Variants in PCDH17 observed in about 807,000 individuals in gnomAD.
PCDH17 encodes protocadherin 17, also known as protocadherin-17.
Under a neutral mutation model 67.7 loss-of-function variants are expected in PCDH17, and 21 were observed. That is an observed-to-expected ratio of 0.31 (90% confidence interval 0.22 to 0.45). The LOEUF (loss-of-function observed/expected upper bound fraction) is 0.45. Among genes scored for constraint, PCDH17 ranks in the 20% least tolerant of loss-of-function variants. The pLI is 1.00. For synonymous variants in PCDH17, 701 were observed against 656.7 expected (o/e 1.07, Z -1.03); for missense variants, 1,471 against 1,564.8 (o/e 0.94, Z 1.01).
At chr13:57,682,553 C>T (rs1488160695) in intron 3 of PCDH17, among the ~76,000 whole-genome samples, 1 of 151,794 alleles carries the variant, frequency 6.6e-6, no homozygotes, top group Non-Finnish European at 1.5e-5. Context: ...CTACAACCAG[C>T]CATTGAGGCA....
chr13:57,716,955 A>C (rs145188222), intron 3 of PCDH17, among the ~76,000 whole-genome samples: 32 of 152,142 alleles, frequency 2.1e-4, no homozygotes, highest in African/African-American at 7.5e-4. Flanking sequence ...CACACATCTA[A>C]TGTGCCCACA....
At chr13:57,704,107 T>A (rs187717933) in intron 3 of PCDH17, among the ~76,000 whole-genome samples, 4 of 152,122 alleles carry the variant, frequency 2.6e-5, no homozygotes, top group Non-Finnish European at 5.9e-5. Flanking sequence ...ATACCTGTTC[T>A]CTGATTTCAA....
At chr13:57,694,537 AT>A (rs1955588959) in intron 3 of PCDH17, among the ~76,000 whole-genome samples, 2 of 151,226 alleles carry the variant, frequency 1.3e-5, no homozygotes, top group African/African-American at 2.4e-5. Flanking sequence ...ATAAAAGGAA[AT>A]TTGAACCTTC....
chr13:57,632,742 G>A lies in PCDH17; in HGVS notation c.196G>A (p.Val66Met). Residue 66 changes from valine to methionine, a missense_variant, in exon 1 of 4, where the codon GTG (valine) becomes ATG (methionine). Physicochemically the swap from Val to Met is conservative, Grantham distance 21. Transcript: ENST00000377918. ...GGRSKSGSYR[V>M]LENSAPHLLD... is the part of the protein sequence containing the mutation. ...GCGCAGCAAGTCGGGTAGCTACCGG[G>A]TGCTGGAGAACTCCGCACCGCACCT... The A allele has an allele frequency of 2.5e-6, 4 of 1,612,358 alleles. No homozygotes were observed. Among genetic ancestry groups the A allele is most frequent in the East Asian group, 2.2e-5 (1 of 44,848 alleles).
intron 3 of PCDH17, among the ~76,000 whole-genome samples, chr13:57,716,571 C>G (rs1955818287): frequency 6.6e-6 from 1 of 151,882 alleles, no homozygotes; most frequent in Non-Finnish European, 1.5e-5. Context: ...TTGCATAAAG[C>G]CTTTCACAAT....
chr13:57,632,590 C>A lies in PCDH17; in HGVS notation c.44C>A (p.Ala15Asp). ...ICCCFLLWAP[A>D]LTLKNLNYSV... ...TGCTGCTTTCTTCTATGGGCCCCTGCCCTCACTCTCAAGAACCTCAACTAC... is the reference window on the plus strand; with the variant it reads ...TGCTGCTTTCTTCTATGGGCCCCTGACCTCACTCTCAAGAACCTCAACTAC... Residue 15 changes from alanine (A) to aspartate (D), a missense_variant, in exon 1 of 4, where the codon GCC becomes GAC. Around this residue, in one of 3 missense-constraint regions of PCDH17, gnomAD observed 1,163 missense variants for 1,230.0 expected, o/e 0.95. Coordinates refer to ENST00000377918, the MANE Select transcript of PCDH17 (RefSeq NM_001040429.3). The A allele has an allele frequency of 6.2e-7, 1 of 1,613,888 alleles. No homozygotes were observed.
chr13:57,675,063 G>A (rs1026483794), intron 3 of PCDH17, among the ~76,000 whole-genome samples: 1 of 151,806 alleles, frequency 6.6e-6, no homozygotes, highest in Admixed American at 6.6e-5. Context: ...CTCCAAATAG[G>A]CACATCATAT....
intron 3 of PCDH17, among the ~76,000 whole-genome samples, chr13:57,669,896 G>C (rs923101605): frequency 1.3e-5 from 2 of 151,906 alleles, no homozygotes; most frequent in Non-Finnish European, 2.9e-5. Flanking sequence ...GCAAACCAAG[G>C]GGGAGAAGAT....
chr13:57,701,658 A>G (rs1237777520), intron 3 of PCDH17, among the ~76,000 whole-genome samples: 1 of 152,020 alleles, frequency 6.6e-6, no homozygotes, highest in Non-Finnish European at 1.5e-5. Context: ...TTTCGGTTTT[A>G]TGTATCCTGA....
intron 3 of PCDH17, among the ~76,000 whole-genome samples, chr13:57,706,188 G>A (rs1313563355): frequency 1.3e-5 from 2 of 151,980 alleles, no homozygotes; most frequent in African/African-American, 2.4e-5. Flanking sequence ...AAAGTATTTC[G>A]TATGATTTGG....
At chr13:57,661,899 ACT>A (rs1301644304) in intron 1 of PCDH17, among the ~76,000 whole-genome samples, 2 of 151,968 alleles carry the variant, frequency 1.3e-5, no homozygotes, top group Non-Finnish European at 2.9e-5. Flanking sequence ...ACAGAGTCTC[ACT>A]CTGTTGCTCA....
At chr13:57,653,099 T>C (rs1385500505) in intron 1 of PCDH17, among the ~76,000 whole-genome samples, 1 of 152,168 alleles carries the variant, frequency 6.6e-6, no homozygotes, top group Non-Finnish European at 1.5e-5. Flanking sequence ...TTGGATACTA[T>C]AGAGCAGCCC....
chr13:57,632,439 T>C lies in PCDH17; in HGVS notation c.-108T>C. ...AGAGGGAAAAAAGGACCCATAGACTTGTGGCTCGCGTCGCGCGCGCACGCT... is the reference window on the plus strand; with the variant it reads ...AGAGGGAAAAAAGGACCCATAGACTCGTGGCTCGCGTCGCGCGCGCACGCT... On this transcript the variant is annotated 5_prime_UTR_variant, in exon 1 of 4. Coordinates refer to ENST00000377918, the MANE Select transcript of PCDH17 (RefSeq NM_001040429.3). 1 of 1,130,654 alleles carries C rather than the reference T, an allele frequency of 8.8e-7. No homozygotes were observed. Among genetic ancestry groups the C allele is most frequent in the African/African-American group, 1.6e-5 (1 of 63,848 alleles). 70.0% of individuals were successfully genotyped at this position (1,130,654 alleles called of 1,614,324 possible).
At chr13:57,653,859 C>T (rs575783352) in intron 1 of PCDH17, among the ~76,000 whole-genome samples, 6 of 152,110 alleles carry the variant, frequency 3.9e-5, no homozygotes, top group African/African-American at 7.2e-5. Flanking sequence ...GTTCCCATGG[C>T]GGTACTGTTT....
chr13:57,631,197 C>A (rs576304613), upstream of PCDH17, among the ~76,000 whole-genome samples: 9 of 152,000 alleles, frequency 5.9e-5, no homozygotes, highest in Admixed American at 2.0e-4. Flanking sequence ...TTTTATTCCT[C>A]GCCAAGGTTT....
At chr13:57,691,306 A>G (rs1333395494) in intron 3 of PCDH17, among the ~76,000 whole-genome samples, 1 of 151,440 alleles carries the variant, frequency 6.6e-6, no homozygotes, top group Admixed American at 6.6e-5. Context: ...TAGGATGATC[A>G]TATAATTTAT....
intron 3 of PCDH17, among the ~76,000 whole-genome samples, chr13:57,720,931 G>A (rs920515196): frequency 6.6e-6 from 1 of 152,104 alleles, no homozygotes; most frequent in African/African-American, 2.4e-5. Context: ...AGCAACAGGA[G>A]TATAGAAAGT....
At chr13:57,682,321 C>T (rs1037860231) in intron 3 of PCDH17, among the ~76,000 whole-genome samples, 7 of 151,726 alleles carry the variant, frequency 4.6e-5, no homozygotes, top group African/African-American at 1.7e-4. Flanking sequence ...AGTGTATCTC[C>T]CTACCCAGGC....
chr13:57,676,060 TTA>T (rs751034319), intron 3 of PCDH17, among the ~76,000 whole-genome samples: 19 of 151,972 alleles, frequency 1.3e-4, no homozygotes, highest in Non-Finnish European at 2.6e-4. Context: ...AAAAAATGAC[TTA>T]ATGTCTAACT....
Sources: gnomAD v4.1 joint callset for allele counts (sites outside exome capture counted in the v4.1 genomes callset) on GRCh38, gnomAD v4.1.1 for gene constraint, gnomAD v4.1.1 regional missense constraint, MANE v1.5 for transcripts, NCBI Gene and HGNC (gene_info 2026-07-23, HGNC 2026-07-21) for gene names.